LRRC41: variants seen among roughly 807,000 people sequenced by gnomAD.
The protein encoded by LRRC41 is leucine-rich repeat-containing protein 41.
A neutral mutation model predicts 72.1 loss-of-function variants in LRRC41; 17 were observed. The ratio of observed to expected loss-of-function variants is 0.24; its 90% confidence interval spans 0.16 to 0.35. LRRC41 has a LOEUF of 0.35. LRRC41 is among the 10% of genes least tolerant of loss of function. The pLI, the probability that LRRC41 is intolerant of heterozygous loss-of-function variation, is 1.00. For missense variants in LRRC41, 759 were observed against 1,065.0 expected (o/e 0.71, Z 4.00); for synonymous variants, 427 against 431.0 (o/e 0.99, Z 0.11).
chr1:46,289,750 G>A (rs1557716235), intron 3 of LRRC41, among the ~76,000 whole-genome samples: 1 of 152,096 alleles, frequency 6.6e-6, no homozygotes, highest in East Asian at 1.9e-4. Context: ...GATAGAGCAA[G>A]ACTCCGTCTC....
In LRRC41 at chr1:46,279,594, G is replaced by A. The variant is rs377048018; in HGVS notation, c.2041C>T (p.Arg681Cys). ...TLQEITFSFC[R>C]LFEKRPAQFL... ...TGGGCTGGGCGCTTCTCAAACAGAC[G>A]GCAGAAGGAGAAGGTAATCTCTGTC... is the stretch of plus-strand genomic sequence containing the variant. Residue 681 changes from arginine (R) to cysteine (C), a missense_variant, in exon 8 of 10, where the codon CGT becomes TGT. Around this residue, in one of 4 missense-constraint regions of LRRC41, gnomAD observed 110 missense variants for 227.0 expected, o/e 0.48. Transcript: ENST00000617190. The surrounding 1 kb of genome is among the most constrained non-coding windows in gnomAD (Gnocchi z 4.5). 8 of 1,614,158 alleles carry A rather than the reference G, an allele frequency of 5.0e-6. No homozygotes were observed. Among genetic ancestry groups the A allele is most frequent in the African/African-American group, 1.3e-5 (1 of 75,038 alleles).
In LRRC41 at chr1:46,277,978, C is replaced by T. The variant is rs2148308202; in HGVS notation, c.*887G>A. On this transcript the variant is annotated 3_prime_UTR_variant, in exon 10 of 10. Coordinates refer to ENST00000617190, the MANE Select transcript of LRRC41 (RefSeq NM_006369.5). ...AAGCTAGCCTCAGTGACACACATGACAGGTGGGGAAGTGCCCTAACCATTA... is the reference window on the plus strand; with the variant it reads ...AAGCTAGCCTCAGTGACACACATGATAGGTGGGGAAGTGCCCTAACCATTA... 6.2e-7 allele frequency: 1 copy of T among 1,614,164 alleles called. No homozygotes were observed. Among genetic ancestry groups the T allele is most frequent in the Non-Finnish European group, 8.5e-7 (1 of 1,180,038 alleles).
In LRRC41 at chr1:46,279,560, G is replaced by C; in HGVS notation, c.2075C>G (p.Pro692Arg). ...LFEKRPAQFL[P>R]EMVAAMKGNS... ...GCCCTTCATAGCAGCAACCATCTCA[G>C]GCAGAAATTGGGCTGGGCGCTTCTC... Residue 692 changes from proline to arginine, a missense_variant, in exon 8 of 10, where the codon CCT (proline) becomes CGT (arginine). Transcript: ENST00000617190. The surrounding 1 kb of genome is among the most constrained non-coding windows in gnomAD (Gnocchi z 4.5). The C allele has an allele frequency of 6.2e-7, 1 of 1,614,182 alleles. No homozygotes were observed. Among genetic ancestry groups the C allele is most frequent in the Non-Finnish European group, 8.5e-7 (1 of 1,180,036 alleles).
Position 46,302,626 on chromosome 1 carries a change from G to C in LRRC41, c.199+498C>G, listed in dbSNP as rs569659010. 4 of 985,150 alleles carry C rather than the reference G, an allele frequency of 4.1e-6. No individual in the cohort carries two copies. Among genetic ancestry groups the C allele is most frequent in the Admixed American group, 6.1e-5 (1 of 16,268 alleles). 61.0% of individuals were successfully genotyped at this position (985,150 alleles called of 1,614,324 possible). On this transcript the variant is annotated intron_variant, in intron 1 of 9. Transcript: ENST00000617190. The surrounding 1 kb of genome is among the most constrained non-coding windows in gnomAD (Gnocchi z 4.7). ...CTTGGCCTCCGGAATCTCGACCCCC[G>C]TGGCGTGTCAGGCAGATGCTGGAGC...
intron 1 of LRRC41, 192 bp from the exon 2 acceptor site, chr1:46,298,562 G>A (rs1661169159): frequency 4.2e-6 from 2 of 474,310 alleles, no homozygotes; most frequent in South Asian, 6.3e-5. Flanking sequence ...TCAGTTGGAA[G>A]CTGGAATTTC....
chr1:46,280,887 C>A (rs1399458220), intron 5 of LRRC41, among the ~76,000 whole-genome samples: 1 of 152,128 alleles, frequency 6.6e-6, no homozygotes, highest in East Asian at 1.9e-4. Flanking sequence ...AAGATCAGTT[C>A]TTTTCCTTTT....
chr1:46,297,279 G>C, intron 3 of LRRC41: 1 of 313,250 alleles, frequency 3.2e-6, no homozygotes. Flanking sequence ...TGTTAGATTT[G>C]ACCACTGCAC....
In LRRC41 at chr1:46,281,371, T is replaced by A; in HGVS notation, c.1510A>T (p.Ile504Phe). The stretch of plus-strand genomic sequence containing the variant: ...CGCAGGCTGTCTAGCAGGCGGAAGA[T>A]GTTAGAGCCCAGGCCTATGGCAAGA... ...TLSYNGLGSN[I>F]FRLLDSLRAL... Residue 504 changes from isoleucine (I) to phenylalanine (F), a missense_variant, in exon 5 of 10, where the codon ATC (isoleucine) becomes TTC (phenylalanine). By Grantham distance (21) the Ile-to-Phe change is conservative. This residue lies in a region of LRRC41 where 427 missense variants were observed against 520.9 expected (regional missense o/e 0.82). Transcript: ENST00000617190. 1 of 1,614,064 alleles carries A rather than the reference T, an allele frequency of 6.2e-7. No individual in the cohort carries two copies. Among genetic ancestry groups the A allele is most frequent in the Non-Finnish European group, 8.5e-7 (1 of 1,179,996 alleles).
chr1:46,293,268 T>C (rs149678398), intron 3 of LRRC41, among the ~76,000 whole-genome samples: 42 of 150,590 alleles, frequency 2.8e-4, no homozygotes, highest in African/African-American at 9.4e-4. Flanking sequence ...GTGCTCTTTT[T>C]TAAGACAGGT....
At chr1:46,294,640 G>T (rs1028963093) in intron 3 of LRRC41, among the ~76,000 whole-genome samples, 2 of 147,790 alleles carry the variant, frequency 1.4e-5, no homozygotes, top group Admixed American at 1.4e-4. Flanking sequence ...TGTTGCCCAG[G>T]CTGGAGTGCA....
intron 3 of LRRC41, among the ~76,000 whole-genome samples, chr1:46,294,557 C>A (rs2148323559): frequency 6.6e-6 from 1 of 151,724 alleles, no homozygotes; most frequent in Admixed American, 6.6e-5. Context: ...AGTCACTGTA[C>A]CCGACTCTTG....
Position 46,280,315 on chromosome 1 carries a change from A to G in LRRC41, c.1922-25T>C, listed in dbSNP as rs891073811. The G allele has an allele frequency of 8.7e-6, 14 of 1,610,988 alleles. No individual in the cohort carries two copies. In the African/African-American group the frequency reaches 1.3e-4, roughly 15 times the overall value. On this transcript the variant is annotated intron_variant, in intron 6 of 9. Transcript: ENST00000617190. ...TCTGGATAGGAGGCAGAGACCATGG[A>G]CCATGGACCTTAGCTTTCCTAGAGA...
rs1331418212 is a variant in LRRC41, at chr1:46,291,058, G to C, written c.358-4559C>G. On this transcript the variant is annotated intron_variant, in intron 3 of 9. Coordinates refer to ENST00000617190, the MANE Select transcript of LRRC41 (RefSeq NM_006369.5). ...TCCTGCCTCAGTCTCCCAAGTAGCT[G>C]GGATTACAGGCACGTGCCACCACAC... is the stretch of plus-strand genomic sequence containing the variant. Among the ~76,000 whole-genome samples the C allele has an allele frequency of 2.0e-5, 3 of 149,894 alleles. No homozygotes were observed. The East Asian group carries it at 6.0e-4, about 30-fold the overall frequency.
intron 7 of LRRC41, 24 bp downstream of exon 7, chr1:46,280,168 C>T: frequency 6.4e-7 from 1 of 1,574,790 alleles, no homozygotes; most frequent in Non-Finnish European, 8.7e-7. Context: ...CAGGAAATGT[C>T]CAGGTTCTGA....
chr1:46,278,932 G>C lies in LRRC41; in HGVS notation c.2372C>G (p.Thr791Ser). ...CCATGAGTCGCTAACCACATGGCAG[G>C]TAGCCCGGAGCCGCCGGATGGCTTC... ...AREAIRRLRA[T>S]CHVVSDSWDS... Residue 791 changes from threonine to serine, a missense_variant, in exon 10 of 10, where the codon ACC becomes AGC. Physicochemically the swap from Thr to Ser is moderately conservative, Grantham distance 58 (BLOSUM62 1). Around this residue, in one of 4 missense-constraint regions of LRRC41, gnomAD observed 110 missense variants for 227.0 expected, o/e 0.48. Transcript: ENST00000617190. 1 of 1,613,818 alleles carries C rather than the reference G, an allele frequency of 6.2e-7. No individual in the cohort carries two copies. The highest frequency in any genetic ancestry group is 2.2e-5 in the East Asian group (1 of 44,878).
Position 46,285,703 on chromosome 1 carries a change from G to T in LRRC41, c.1154C>A (p.Pro385His). Residue 385 changes from proline to histidine, a missense_variant, in exon 4 of 10, where the codon CCT becomes CAT. Around this residue, in one of 4 missense-constraint regions of LRRC41, gnomAD observed 427 missense variants for 520.9 expected, o/e 0.82. Coordinates refer to ENST00000617190, the MANE Select transcript of LRRC41 (RefSeq NM_006369.5). This position sits in a 1 kb window ranked among gnomAD's most constrained non-coding sequence, Gnocchi z 5.3. ...KRAPASSAPQPKPLKRFKRAA... is the reference protein window; with the variant it reads ...KRAPASSAPQHKPLKRFKRAA... ...TCGCTTGAAACGCTTTAGGGGCTTA[G>T]GCTGTGGGGCTGAGCTAGCTGGTGC... is the stretch of plus-strand genomic sequence containing the variant. The T allele has an allele frequency of 6.2e-7, 1 of 1,613,044 alleles. No homozygotes were observed. Among genetic ancestry groups the T allele is most frequent in the Non-Finnish European group, 8.5e-7 (1 of 1,179,512 alleles).
At chr1:46,303,007 T>C in intron 1 of LRRC41, 117 bp downstream of exon 1, 1 of 1,312,954 alleles carries the variant, frequency 7.6e-7, no homozygotes, top group Non-Finnish European at 9.7e-7. Context: ...ACGAGCTGGC[T>C]TTCAGCGCCC....
Position 46,278,202 on chromosome 1 carries a change from G to A in LRRC41, c.*663C>T, listed in dbSNP as rs773848471. 1 of 1,613,968 alleles carries A rather than the reference G, an allele frequency of 6.2e-7. No individual in the cohort carries two copies. Among genetic ancestry groups the A allele is most frequent in the South Asian group, 1.1e-5 (1 of 91,006 alleles). Reference sequence around the variant, plus strand: ...GGGGCTCCGGGATGAGGTACTCCAGGCTGCCTGGGATGCTGCCTCCACTGC... The same window carrying A: ...GGGGCTCCGGGATGAGGTACTCCAGACTGCCTGGGATGCTGCCTCCACTGC... On this transcript the variant is annotated 3_prime_UTR_variant, in exon 10 of 10. Transcript: ENST00000617190.
intron 3 of LRRC41, among the ~76,000 whole-genome samples, chr1:46,287,201 C>T (rs141876220): frequency 0.044 from 6,729 of 152,040 alleles, 263 homozygotes; most frequent in African/African-American, 0.096. Context: ...CTCTGCCGCC[C>T]GGGTTCACAC....
Sources: gnomAD v4.1 joint callset for allele counts (sites outside exome capture counted in the v4.1 genomes callset) on GRCh38, gnomAD v4.1.1 for gene constraint, gnomAD v4.1.1 regional missense constraint, Gnocchi (gnomAD v3.1) non-coding constraint, MANE v1.5 for transcripts, NCBI Gene and HGNC (gene_info 2026-07-23, HGNC 2026-07-21) for gene names.